Variants in TMC1 observed in about 807,000 individuals in gnomAD.
TMC1 encodes transmembrane channel-like protein 1.
TMC1 carries 84 observed loss-of-function variants against 105.8 expected under a neutral mutation model. The ratio of observed to expected loss-of-function variants is 0.79; its 90% CI spans 0.67 to 0.95. The LOEUF (loss-of-function observed/expected upper bound fraction) is 0.95, where lower values mean the gene tolerates loss of function less well. Among genes scored for constraint, TMC1 ranks in the 40% least tolerant of loss-of-function variants. The probability of loss-of-function intolerance (pLI) is 0.00; values close to 1 mark genes in which losing one functional copy is unlikely to be tolerated. For missense variants in TMC1, 817 were observed against 914.1 expected (o/e 0.89, Z 1.37); for synonymous variants, 315 against 311.5 (o/e 1.01, Z -0.12).
rs576011078 is a variant in TMC1 at position 72,685,551 on chromosome 9, G to A, written c.17-3158G>A. Among the ~76,000 whole-genome samples the A allele has an allele frequency of 7.9e-5, 12 of 151,740 alleles. No homozygotes were observed. The South Asian group carries it at 2.5e-3, about 32-fold the overall frequency. On this transcript the variant is annotated intron_variant, in intron 5 of 23. Transcript: ENST00000297784. The stretch of plus-strand genomic sequence containing the variant: ...GCTAATTTTTGTGTTTGTAGTAGAG[G>A]CGGGGTTTCACCTTGCTGTCCAGGC...
At chr9:72,537,599 C>T (rs1046893143) in intron 1 of TMC1, among the ~76,000 whole-genome samples, 3 of 152,062 alleles carry the variant, frequency 2.0e-5, no homozygotes, top group Admixed American at 6.6e-5. Context: ...GGACCATGGC[C>T]CATGACACAG....
chr9:72,642,864 G>A (rs968041491), intron 4 of TMC1, among the ~76,000 whole-genome samples: 2 of 151,964 alleles, frequency 1.3e-5, no homozygotes, highest in African/African-American at 4.8e-5. Flanking sequence ...TAATTCTCTC[G>A]TCTCCCCTCC....
intron 18 of TMC1, among the ~76,000 whole-genome samples, chr9:72,806,266 A>C (rs1388285934): frequency 7.0e-6 from 1 of 143,428 alleles, no homozygotes; most frequent in Non-Finnish European, 1.5e-5. Context: ...CTGGCCGGGC[A>C]GAGGGGCTCC....
chr9:72,700,711 TC>T, intron 8 of TMC1, 68 bp downstream of exon 8: 14 of 435,566 alleles, frequency 3.2e-5, no homozygotes, highest in East Asian at 5.1e-5. Flanking sequence ...CTCTGAATAT[TC>T]CATATATATA....
chr9:72,630,738 G>A lies in TMC1; in HGVS notation c.-53+2675G>A, dbSNP rs12682980. On this transcript the variant is annotated intron_variant, in intron 4 of 23. Coordinates refer to ENST00000297784, the MANE Select transcript of TMC1 (RefSeq NM_138691.3). ...AATTAAAAACTATACATTAAAAACT[G>A]CAAATTAAAACTATATACTAAAGAA... 1.8e-4 allele frequency among the ~76,000 whole-genome samples: 28 copies of A among 152,092 alleles called. No homozygotes were observed. In the East Asian group the frequency reaches 5.4e-3, roughly 29 times the overall value.
chr9:72,835,809 C>G (rs1829113425), intron 23 of TMC1, 142 bp from the exon 24 acceptor site: 1 of 816,374 alleles, frequency 1.2e-6, no homozygotes. Context: ...GAAAGTAGAG[C>G]ACATTTGGAC....
chr9:72,763,209 C>T (rs1827783364), intron 12 of TMC1, among the ~76,000 whole-genome samples: 2 of 151,338 alleles, frequency 1.3e-5, no homozygotes, highest in East Asian at 2.0e-4. Flanking sequence ...GCATATGATC[C>T]TAATGCTATA....
intron 3 of TMC1, among the ~76,000 whole-genome samples, chr9:72,617,885 A>G (rs1044261710): frequency 2.0e-5 from 3 of 149,148 alleles, no homozygotes; most frequent in Admixed American, 1.4e-4. Context: ...AGTGGTTACC[A>G]TTTACCCAAG....
At chr9:72,640,331 A>G (rs535536664) in intron 4 of TMC1, among the ~76,000 whole-genome samples, 3 of 152,322 alleles carry the variant, frequency 2.0e-5, no homozygotes, top group Admixed American at 1.3e-4. Flanking sequence ...ATGGTCGCCA[A>G]TCCTTTATTG....
intron 8 of TMC1, among the ~76,000 whole-genome samples, chr9:72,703,229 G>A: frequency 6.6e-6 from 1 of 151,756 alleles, no homozygotes; most frequent in Admixed American, 6.6e-5. Context: ...TGGGAGCAAG[G>A]GATCCTTCTG....
chr9:72,626,738 T>C (rs765835709), intron 3 of TMC1, among the ~76,000 whole-genome samples: 1 of 152,012 alleles, frequency 6.6e-6, no homozygotes, highest in Non-Finnish European at 1.5e-5. Context: ...TGAGGGAAAC[T>C]GGGGGCTAGG....
At chr9:72,697,195 T>G (rs1049210866) in intron 7 of TMC1, among the ~76,000 whole-genome samples, 2 of 152,138 alleles carry the variant, frequency 1.3e-5, no homozygotes, top group Non-Finnish European at 2.9e-5. Context: ...GCACTGGGTT[T>G]ATGATGATAA....
At chr9:72,709,766 A>G (rs1482987004) in intron 8 of TMC1, among the ~76,000 whole-genome samples, 1 of 152,102 alleles carries the variant, frequency 6.6e-6, no homozygotes, top group African/African-American at 2.4e-5. Flanking sequence ...TGCTTCATTA[A>G]TCTTGCTAAT....
At chr9:72,814,083 A>C (rs1828745072) in intron 18 of TMC1, among the ~76,000 whole-genome samples, 1 of 152,208 alleles carries the variant, frequency 6.6e-6, no homozygotes, top group Admixed American at 6.5e-5. Context: ...TGAGAGAGTG[A>C]AGAAAACAGG....
chr9:72,651,954 T>C (rs1825820700), intron 5 of TMC1, among the ~76,000 whole-genome samples: 1 of 152,152 alleles, frequency 6.6e-6, no homozygotes, highest in Admixed American at 6.5e-5. Context: ...AACATTCTTA[T>C]GCCTTTGTGT....
chr9:72,816,256 A>G (rs746205331), intron 19 of TMC1, 46 bp downstream of exon 19: 2 of 1,575,226 alleles, frequency 1.3e-6, no homozygotes, highest in South Asian at 1.1e-5. Context: ...AAAGCCTCCC[A>G]GGTTATTTTT....
At chr9:72,570,304 A>T (rs2132088853) in intron 1 of TMC1, among the ~76,000 whole-genome samples, 1 of 150,520 alleles carries the variant, frequency 6.6e-6, no homozygotes, top group Non-Finnish European at 1.5e-5. Context: ...ATTTTTCTTT[A>T]TCTCCTTCAC....
chr9:72,596,866 C>T (rs1196511007), intron 2 of TMC1, among the ~76,000 whole-genome samples: 2 of 152,164 alleles, frequency 1.3e-5, no homozygotes, highest in African/African-American at 2.4e-5. Flanking sequence ...AGAAAAAGAA[C>T]CACTAGAGTC....
chr9:72,796,084 T>TA (rs910596995), intron 17 of TMC1, among the ~76,000 whole-genome samples: 10 of 148,210 alleles, frequency 6.7e-5, no homozygotes, highest in East Asian at 2.0e-4. Flanking sequence ...CCAACAAAGA[T>TA]AAAAAAAAGG....
Sources: allele counts gnomAD v4.1 joint callset (sites outside exome capture counted in the v4.1 genomes callset), GRCh38; gene constraint gnomAD v4.1.1; transcripts MANE v1.5; gene names NCBI Gene and HGNC (gene_info 2026-07-23, HGNC 2026-07-21).